Variants in SMCO4 observed in about 807,000 individuals in gnomAD.
SMCO4 encodes single-pass membrane and coiled-coil domain-containing protein 4.
A neutral mutation model predicts 3.6 loss-of-function variants in SMCO4; 4 were observed. The ratio of observed to expected loss-of-function variants is 1.11; its 90% CI spans 0.54 to 2.53. The LOEUF (loss-of-function observed/expected upper bound fraction) is 2.53. SMCO4 is among the 30% of genes most tolerant of loss of function. The pLI, the probability that SMCO4 is intolerant of heterozygous loss-of-function variation, is 0.02. For synonymous variants in SMCO4, 36 were observed against 35.3 expected (o/e 1.02, Z -0.07); for missense variants, 70 against 80.8 (o/e 0.87, Z 0.51).
intron 1 of SMCO4, among the ~76,000 whole-genome samples, chr11:93,510,029 A>G (rs1054734747): frequency 1.3e-5 from 2 of 152,232 alleles, no homozygotes; most frequent in African/African-American, 4.8e-5. Flanking sequence ...AGGAGGTCCT[A>G]TAGAGAACTC....
At chr11:93,506,162 G>A (rs766366460) in intron 1 of SMCO4, among the ~76,000 whole-genome samples, 1 of 152,176 alleles carries the variant, frequency 6.6e-6, no homozygotes, top group Non-Finnish European at 1.5e-5. Flanking sequence ...TGAATGTTCC[G>A]GGTAGAGGGG....
intron 2 of SMCO4, among the ~76,000 whole-genome samples, chr11:93,493,827 T>C (rs1426761506): frequency 6.6e-6 from 1 of 152,176 alleles, no homozygotes; most frequent in Admixed American, 6.5e-5. Context: ...CCTGCTTTAC[T>C]TACTTGCTAG....
intron 2 of SMCO4, among the ~76,000 whole-genome samples, chr11:93,487,299 C>T (rs1234351843): frequency 1.3e-5 from 2 of 152,188 alleles, no homozygotes; most frequent in East Asian, 3.9e-4. Flanking sequence ...CCGCAAAGCA[C>T]CTGCTGATAA....
intron 1 of SMCO4, among the ~76,000 whole-genome samples, chr11:93,534,616 A>C (rs995267524): frequency 6.6e-6 from 1 of 152,200 alleles, no homozygotes; most frequent in Non-Finnish European, 1.5e-5. Context: ...AAGGTGCTGA[A>C]TGGGAGCTGG....
intron 2 of SMCO4, among the ~76,000 whole-genome samples, chr11:93,482,346 G>T (rs965229379): frequency 6.6e-6 from 1 of 152,228 alleles, no homozygotes; most frequent in South Asian, 2.1e-4. Context: ...CTCAAGAAGC[G>T]CATTGAGTGC....
At chr11:93,507,177 G>C (rs1005890583) in intron 1 of SMCO4, among the ~76,000 whole-genome samples, 1 of 152,188 alleles carries the variant, frequency 6.6e-6, no homozygotes, top group Non-Finnish European at 1.5e-5. Context: ...GGCCGAGGCA[G>C]GCAGATCACC....
At chr11:93,533,351 C>T (rs1012902612) in intron 1 of SMCO4, among the ~76,000 whole-genome samples, 1 of 152,182 alleles carries the variant, frequency 6.6e-6, no homozygotes, top group African/African-American at 2.4e-5. Context: ...CTCACAAGAA[C>T]CTTGGGAGGA....
upstream of SMCO4, among the ~76,000 whole-genome samples, chr11:93,547,581 G>A (rs1949323402): frequency 1.3e-5 from 2 of 152,176 alleles, no homozygotes; most frequent in Non-Finnish European, 2.9e-5. Flanking sequence ...AAAAGGGACT[G>A]CGTTTGCTTG....
chr11:93,527,211 G>A (rs1298571219), intron 1 of SMCO4, among the ~76,000 whole-genome samples: 2 of 152,342 alleles, frequency 1.3e-5, no homozygotes, highest in African/African-American at 2.4e-5. Flanking sequence ...ATGGTGGGCA[G>A]AGGCAGAAGA....
intron 1 of SMCO4, among the ~76,000 whole-genome samples, chr11:93,514,392 ATATATATATATATATATATATATATAT>A (rs1948986632): frequency 2.9e-5 from 1 of 34,436 alleles, no homozygotes; most frequent in Non-Finnish European, 5.8e-5. Flanking sequence ...ATATATATAT[ATATATATATATATATATATATATATAT>A]ATAAAATTTG....
chr11:93,511,639 T>G (rs567458266), intron 1 of SMCO4, among the ~76,000 whole-genome samples: 56 of 152,292 alleles, frequency 3.7e-4, no homozygotes, highest in African/African-American at 1.2e-3. Context: ...GGGATGAAAC[T>G]GTGTCCTACG....
At chr11:93,484,665 A>C (rs1421142002) in intron 2 of SMCO4, among the ~76,000 whole-genome samples, 1 of 151,668 alleles carries the variant, frequency 6.6e-6, no homozygotes, top group African/African-American at 2.4e-5. Flanking sequence ...GATGTACATG[A>C]ATCTGGGAAA....
At chr11:93,512,590 TTG>T (rs1948967627) in intron 1 of SMCO4, among the ~76,000 whole-genome samples, 1 of 152,372 alleles carries the variant, frequency 6.6e-6, no homozygotes, top group Non-Finnish European at 1.5e-5. Context: ...ATGCTTACCA[TTG>T]TGTTATAACT....
At chr11:93,521,406 G>A (rs547763966) in intron 1 of SMCO4, among the ~76,000 whole-genome samples, 57 of 152,302 alleles carry the variant, frequency 3.7e-4, no homozygotes, top group Non-Finnish European at 7.3e-4. Flanking sequence ...CAGGCACTGT[G>A]CTAAAGCCAC....
chr11:93,529,441 C>T (rs1351921130), intron 1 of SMCO4, among the ~76,000 whole-genome samples: 5 of 152,136 alleles, frequency 3.3e-5, no homozygotes, highest in East Asian at 3.9e-4. Context: ...TCTTCTAAAG[C>T]GATGCTCCCC....
At chr11:93,503,594 C>A (rs921886221) in intron 1 of SMCO4, among the ~76,000 whole-genome samples, 2 of 152,134 alleles carry the variant, frequency 1.3e-5, no homozygotes, top group Non-Finnish European at 2.9e-5. Context: ...CTGGATTGGA[C>A]CTAAATTCAC....
chr11:93,543,991 A>C (rs546283120), upstream of SMCO4, among the ~76,000 whole-genome samples: 1 of 152,262 alleles, frequency 6.6e-6, no homozygotes, highest in Non-Finnish European at 1.5e-5. Context: ...ACAATTCCCC[A>C]CCTCGGACCA....
intron 1 of SMCO4, among the ~76,000 whole-genome samples, chr11:93,540,251 G>C (rs1949261284): frequency 6.6e-6 from 1 of 152,206 alleles, no homozygotes; most frequent in Non-Finnish European, 1.5e-5. Flanking sequence ...CTGTGTGCAA[G>C]GGAAAGGAGT....
chr11:93,503,755 C>T (rs1285517374), intron 1 of SMCO4, among the ~76,000 whole-genome samples: 1 of 152,160 alleles, frequency 6.6e-6, no homozygotes, highest in Non-Finnish European at 1.5e-5. Context: ...CAGATTCTCC[C>T]CTAGAGTCTG....
Sources: allele counts gnomAD v4.1 joint callset (sites outside exome capture counted in the v4.1 genomes callset), GRCh38; gene constraint gnomAD v4.1.1; transcripts MANE v1.5; gene names NCBI Gene and HGNC (gene_info 2026-07-23, HGNC 2026-07-21).